Variants in LGSN observed in about 807,000 individuals in gnomAD.
The protein encoded by LGSN is lengsin, lens protein with glutamine synthetase domain, also known as lengsin.
Under a neutral mutation model 19.5 loss-of-function variants are expected in LGSN, and 21 were observed. That is an observed-to-expected ratio of 1.07 (90% CI 0.76 to 1.55). The LOEUF is 1.55. Ranked by LOEUF, LGSN falls within the 40% of genes most tolerant of loss-of-function variation. LGSN has a pLI of 0.00. For missense variants in LGSN, 673 were observed against 608.5 expected, an observed-to-expected ratio of 1.11 and a Z score of -1.12; for synonymous variants, 257 against 215.6, an observed-to-expected ratio of 1.19 and a Z score of -1.68.
chr6:63,460,100 C>CTTTTTTT, the LGSN span, among the ~76,000 whole-genome samples: 194 of 56,142 alleles, frequency 3.5e-3, 1 homozygote, highest in Middle Eastern at 0.016. Flanking sequence ...ATTTCATTCC[C>CTTTTTTT]TTTTTTTTTT....
At chr6:63,491,954 G>A in the LGSN span, among the ~76,000 whole-genome samples, 2 of 151,800 alleles carry the variant, frequency 1.3e-5, no homozygotes, top group Non-Finnish European at 2.9e-5. Flanking sequence ...GCTTGAACCC[G>A]GGAGGCGGAA....
chr6:63,307,532 T>C (rs563768005), intron 1 of LGSN, among the ~76,000 whole-genome samples: 4 of 152,298 alleles, frequency 2.6e-5, no homozygotes, highest in South Asian at 2.1e-4. Context: ...CTAGGACAGG[T>C]AGAAAAGTTT....
chr6:63,527,040 A>G, the LGSN span, among the ~76,000 whole-genome samples: 170 of 151,930 alleles, frequency 1.1e-3, 2 homozygotes, highest in South Asian at 0.019. Context: ...TTATATATGT[A>G]TTTCTACCTT....
At chr6:63,285,977 G>A (rs1471823389) in intron 2 of LGSN, among the ~76,000 whole-genome samples, 1 of 151,996 alleles carries the variant, frequency 6.6e-6, no homozygotes, top group Non-Finnish European at 1.5e-5. Flanking sequence ...CAGTTAGGAC[G>A]AGGTCAAAAT....
At chr6:63,373,006 C>G in the LGSN span, among the ~76,000 whole-genome samples, 2 of 152,080 alleles carry the variant, frequency 1.3e-5, no homozygotes, top group Non-Finnish European at 2.9e-5. Context: ...TTTATTTCCA[C>G]AAAATATCCT....
At chr6:63,425,789 TAGTG>T in the LGSN span, among the ~76,000 whole-genome samples, 8 of 151,912 alleles carry the variant, frequency 5.3e-5, no homozygotes, top group Non-Finnish European at 1.0e-4. Context: ...CTGGGCAACA[TAGTG>T]AGACCCCACC....
At chr6:63,369,137 A>T in the LGSN span, among the ~76,000 whole-genome samples, 1 of 152,222 alleles carries the variant, frequency 6.6e-6, no homozygotes, top group Non-Finnish European at 1.5e-5. Context: ...GGAGCACCTG[A>T]CCAGAGAATT....
At chr6:63,410,571 G>A in the LGSN span, among the ~76,000 whole-genome samples, 41 of 152,136 alleles carry the variant, frequency 2.7e-4, no homozygotes, top group African/African-American at 9.6e-4. Flanking sequence ...AACCCACAAG[G>A]CTAACACAAT....
Position 63,319,954 on chromosome 6 carries a change from T to C in LGSN, c.-11A>G. The C allele has an allele frequency of 6.2e-7, 1 of 1,605,780 alleles. No individual in the cohort carries two copies. The highest frequency in any genetic ancestry group is 8.5e-7 in the Non-Finnish European group (1 of 1,172,564). On this transcript the variant is annotated 5_prime_UTR_variant, in exon 1 of 4. Coordinates refer to ENST00000370657, the MANE Select transcript of LGSN (RefSeq NM_016571.3). Reference sequence around the variant, plus strand: ...CTCTTCATTATTCATCTCAACACTTTTTAAGTTCAGCGTTAGAAACCACAA... The same window carrying C: ...CTCTTCATTATTCATCTCAACACTTCTTAAGTTCAGCGTTAGAAACCACAA...
At chr6:63,361,241 C>T in the LGSN span, among the ~76,000 whole-genome samples, 3 of 152,180 alleles carry the variant, frequency 2.0e-5, no homozygotes, top group Non-Finnish European at 4.4e-5. Context: ...TTGGTTATGC[C>T]CTGCCCCCTG....
chr6:63,495,949 CAG>C, the LGSN span, among the ~76,000 whole-genome samples: 5 of 151,754 alleles, frequency 3.3e-5, no homozygotes, highest in East Asian at 2.0e-4. Context: ...AAAAAAAAGA[CAG>C]AGTCTCACTC....
the LGSN span, among the ~76,000 whole-genome samples, chr6:63,383,025 G>A: frequency 6.6e-6 from 1 of 152,174 alleles, no homozygotes; most frequent in Non-Finnish European, 1.5e-5. Flanking sequence ...ACAGGCATAT[G>A]TATCTCAAAT....
chr6:63,351,806 G>A, the LGSN span, among the ~76,000 whole-genome samples: 1 of 152,076 alleles, frequency 6.6e-6, no homozygotes, highest in Non-Finnish European at 1.5e-5. Context: ...GCAATCTAAT[G>A]ATCTTGACCA....
At chr6:63,432,169 GA>G in the LGSN span, among the ~76,000 whole-genome samples, 459 of 88,146 alleles carry the variant, frequency 5.2e-3, 19 homozygotes, top group East Asian at 9.6e-3. Context: ...AAGAAAGAAA[GA>G]AAAGGAAAGA....
intron 1 of LGSN, among the ~76,000 whole-genome samples, chr6:63,306,102 A>G (rs1005013016): frequency 2.6e-5 from 4 of 152,170 alleles, no homozygotes; most frequent in Non-Finnish European, 4.4e-5. Flanking sequence ...AATAATACCT[A>G]TAAAAATATT....
the LGSN span, among the ~76,000 whole-genome samples, chr6:63,431,968 C>T: frequency 4.6e-5 from 7 of 150,980 alleles, no homozygotes; most frequent in South Asian, 1.0e-3. Flanking sequence ...CCCAGCTACT[C>T]GGGAGGCTGA....
At chr6:63,570,910 T>C in the LGSN span, 2 of 152,338 alleles carry the variant, frequency 1.3e-5, no homozygotes, top group East Asian at 3.8e-4. Flanking sequence ...TGTCCCTTTT[T>C]TTCGACATGA....
Position 63,294,911 on chromosome 6 carries a change from A to C in LGSN, c.163+2T>G. The C allele has an allele frequency of 1.2e-6, 2 of 1,613,826 alleles. No individual in the cohort carries two copies. The highest frequency in any genetic ancestry group is 1.7e-6 in the Non-Finnish European group (2 of 1,179,842). ...TTTTGAGGACTCAGAGTAGTTAGAT[A>C]CCATTTGAATTGGACATATCCGTTT... On this transcript the variant is annotated splice_donor_variant, in intron 2 of 3. Coordinates refer to ENST00000370657, the MANE Select transcript of LGSN (RefSeq NM_016571.3). LOFTEE classifies it high-confidence loss of function.
At chr6:63,520,094 A>G in the LGSN span, among the ~76,000 whole-genome samples, 1 of 152,222 alleles carries the variant, frequency 6.6e-6, no homozygotes, top group Admixed American at 6.5e-5. Flanking sequence ...ATAATTATCA[A>G]ACAAAAACTA....
Sources: allele counts gnomAD v4.1 joint callset (sites outside exome capture counted in the v4.1 genomes callset), GRCh38; gene constraint gnomAD v4.1.1; transcripts MANE v1.5; gene names NCBI Gene and HGNC (gene_info 2026-07-23, HGNC 2026-07-21).